Variants in PCDHGA5 observed in about 807,000 individuals in gnomAD.
PCDHGA5 encodes protocadherin gamma-A5.
PCDHGA5 carries 36 observed loss-of-function variants against 56.7 expected under a neutral mutation model. The observed-to-expected ratio is 0.64, with a 90% CI of 0.49 to 0.84. The LOEUF is 0.84. PCDHGA5 is among the 40% of genes least tolerant of loss of function. The pLI is 0.00. For synonymous variants in PCDHGA5, 563 were observed against 520.2 expected (o/e 1.08, Z -1.12); for missense variants, 1,305 against 1,201.5 (o/e 1.09, Z -1.27).
intron 1 of PCDHGA5, chr5:141,383,949 G>T (rs538018556): frequency 4.3e-6 from 7 of 1,613,584 alleles, no homozygotes; most frequent in Non-Finnish European, 5.9e-6. Context: ...TGACTATGAC[G>T]TCTTTAAGTA....
intron 1 of PCDHGA5, chr5:141,428,153 CT>C (rs2097116745): frequency 6.3e-7 from 1 of 1,581,370 alleles, no homozygotes; most frequent in Admixed American, 1.7e-5. Flanking sequence ...ACACGGGAAC[CT>C]GCTGGTTGCT....
Position 141,491,045 on chromosome 5 carries a change from A to G in PCDHGA5, c.2422-3762A>G, listed in dbSNP as rs1452139285. 2 of 1,613,970 alleles carry G rather than the reference A, an allele frequency of 1.2e-6. No individual in the cohort carries two copies. The highest frequency in any genetic ancestry group is 1.1e-5 in the South Asian group (1 of 91,090). On this transcript the variant is annotated intron_variant, in intron 1 of 3. Coordinates refer to ENST00000518069, the MANE Select transcript of PCDHGA5 (RefSeq NM_018918.3). This position sits in a 1 kb window ranked among gnomAD's most constrained non-coding sequence, Gnocchi z 6.9. ...GCCGTGGATGCTGATGCAGGCCACA[A>G]TGCGTGGCTCTCCTACTCACTGTTG...
At position 141,389,227 on chromosome 5, in the gene PCDHGA5, C is replaced by T. The variant is rs1412412051; in HGVS notation, c.2421+22476C>T. On this transcript the variant is annotated intron_variant, in intron 1 of 3. Transcript: ENST00000518069. ...ATTGGTGATGTAAATGACAACGCTC[C>T]GGTTTTCTCACAGTCTTCCTATATA... 35 of 1,614,024 alleles carry T rather than the reference C, an allele frequency of 2.2e-5. No homozygotes were observed. Among genetic ancestry groups the T allele is most frequent in the Non-Finnish European group, 2.8e-5 (33 of 1,179,882 alleles).
At chr5:141,374,414 G>C in intron 1 of PCDHGA5, 1 of 1,614,026 alleles carries the variant, frequency 6.2e-7, no homozygotes, top group South Asian at 1.1e-5. Flanking sequence ...CATCCTTGTC[G>C]AGGATAAACT....
chr5:141,419,968 T>G lies in PCDHGA5; in HGVS notation c.2421+53217T>G, dbSNP rs766617414. ...CCTTGGCCTTGATTTCTGTGCTCTT[T>G]CTCCTCGCGGTGATTCTAGCTATTG... is the stretch of plus-strand genomic sequence containing the variant. On this transcript the variant is annotated intron_variant, in intron 1 of 3. Transcript: ENST00000518069. The G allele has an allele frequency of 6.2e-6, 10 of 1,614,036 alleles. No homozygotes were observed. The South Asian group carries it at 1.1e-4, about 18-fold the overall frequency.
chr5:141,473,048 A>T (rs1295750830), intron 1 of PCDHGA5, among the ~76,000 whole-genome samples: 4 of 151,992 alleles, frequency 2.6e-5, no homozygotes, highest in Non-Finnish European at 5.9e-5. Flanking sequence ...GAAAGAAAGA[A>T]GTGATACAAC....
chr5:141,430,276 G>C (rs2097271928), intron 1 of PCDHGA5, among the ~76,000 whole-genome samples: 1 of 151,720 alleles, frequency 6.6e-6, no homozygotes, highest in South Asian at 2.1e-4. Context: ...TGTGTTGGGG[G>C]AACAGTAATC....
chr5:141,413,981 C>T (rs563161887), intron 1 of PCDHGA5: 52 of 1,613,334 alleles, frequency 3.2e-5, no homozygotes, highest in African/African-American at 5.3e-5. Context: ...CTGACAGTCA[C>T]AGCCACCGAC....
intron 1 of PCDHGA5, among the ~76,000 whole-genome samples, chr5:141,459,682 A>G (rs557568098): frequency 2.4e-4 from 37 of 152,358 alleles, no homozygotes; most frequent in African/African-American, 8.2e-4. Flanking sequence ...AGCAATGCAT[A>G]AAGCGTTCCG....
chr5:141,486,175 C>T lies in PCDHGA5; in HGVS notation c.2422-8632C>T. ...GTTCTCCAGCCATGGAGCAACATTG[C>T]AGCCTTCGAGTGGATCTGCTGGACG... On this transcript the variant is annotated intron_variant, in intron 1 of 3. Transcript: ENST00000518069. The surrounding 1 kb of genome is among the most constrained non-coding windows in gnomAD (Gnocchi z 5.0). 1 of 1,614,210 alleles carries T rather than the reference C, an allele frequency of 6.2e-7. No individual in the cohort carries two copies.
At chr5:141,434,497 G>A (rs986672351) in intron 1 of PCDHGA5, among the ~76,000 whole-genome samples, 2 of 152,214 alleles carry the variant, frequency 1.3e-5, no homozygotes, top group African/African-American at 4.8e-5. Context: ...CCCGCCCAGG[G>A]CAGAAAACTG....
chr5:141,443,307 C>A (rs1447607301), intron 1 of PCDHGA5, among the ~76,000 whole-genome samples: 1 of 136,584 alleles, frequency 7.3e-6, no homozygotes, highest in Non-Finnish European at 1.5e-5. Flanking sequence ...ATGGCAAAAA[C>A]CCATCTCTAC....
intron 1 of PCDHGA5, chr5:141,376,077 C>T (rs373865501): frequency 6.2e-7 from 1 of 1,613,380 alleles, no homozygotes; most frequent in Non-Finnish European, 8.5e-7. Flanking sequence ...GTGGCCGTGG[C>T]CGACAGGATC....
chr5:141,399,944 A>C, intron 1 of PCDHGA5: 1 of 1,612,254 alleles, frequency 6.2e-7, no homozygotes, highest in Non-Finnish European at 8.5e-7. Context: ...CACGTGCTGC[A>C]GGCTAGCGAG....
At chr5:141,385,253 G>A (rs1234375073) in intron 1 of PCDHGA5, 1 of 1,613,650 alleles carries the variant, frequency 6.2e-7, no homozygotes, top group Non-Finnish European at 8.5e-7. Flanking sequence ...CAGGAGAGCT[G>A]TGAGAAAAAT....
In PCDHGA5 at chr5:141,366,677, G is replaced by C. The variant is rs781103707; in HGVS notation, c.2347G>C (p.Glu783Gln). Reference sequence around the variant, plus strand: ...CTACGCAGACACGCTCCTTAGTGAAGAGAGCTGTGAGAAAAGCGAGCCTCT... The same window carrying C: ...CTACGCAGACACGCTCCTTAGTGAACAGAGCTGTGAGAAAAGCGAGCCTCT... Reference protein sequence around the residue: ...PNYADTLLSEESCEKSEPLLM... With the variant: ...PNYADTLLSEQSCEKSEPLLM... Residue 783 changes from glutamate (E) to glutamine (Q), a missense_variant, in exon 1 of 4, where the codon GAG becomes CAG. Coordinates refer to ENST00000518069, the MANE Select transcript of PCDHGA5 (RefSeq NM_018918.3). 6.2e-7 allele frequency: 1 copy of C among 1,614,148 alleles called. No homozygotes were observed. The highest frequency in any genetic ancestry group is 8.5e-7 in the Non-Finnish European group (1 of 1,180,058).
chr5:141,474,985 C>T (rs2099357651), intron 1 of PCDHGA5, among the ~76,000 whole-genome samples: 1 of 152,202 alleles, frequency 6.6e-6, no homozygotes, highest in Non-Finnish European at 1.5e-5. Context: ...TGTTTGGTGA[C>T]AACAATTCTA....
intron 1 of PCDHGA5, among the ~76,000 whole-genome samples, chr5:141,484,084 T>A (rs1030166144): frequency 3.3e-5 from 5 of 152,174 alleles, no homozygotes; most frequent in African/African-American, 4.8e-5. Flanking sequence ...TCTTTTGAAA[T>A]GGTCTTCGTT....
intron 1 of PCDHGA5, chr5:141,478,523 G>T (rs2099461821): frequency 6.2e-7 from 1 of 1,609,908 alleles, no homozygotes; most frequent in Non-Finnish European, 8.5e-7. Context: ...GGTGTTGGGT[G>T]CAGAGAGCGC....
Sources: allele counts gnomAD v4.1 joint callset (sites outside exome capture counted in the v4.1 genomes callset), GRCh38; gene constraint gnomAD v4.1.1; non-coding constraint Gnocchi (gnomAD v3.1); transcripts MANE v1.5; gene names NCBI Gene and HGNC (gene_info 2026-07-23, HGNC 2026-07-21).